The following WWP2 variants were observed in gnomAD, a reference collection of about 807,000 sequenced individuals.
WWP2 encodes the protein NEDD4-like E3 ubiquitin-protein ligase WWP2.
In WWP2, 57 loss-of-function variants were observed where a neutral mutation model predicts 121.0. That is an observed-to-expected ratio of 0.47 (90% CI 0.38 to 0.59). The LOEUF (loss-of-function observed/expected upper bound fraction) is 0.59. Among genes scored for constraint, WWP2 ranks in the 20% least tolerant of loss-of-function variants. The pLI is 0.00. For missense variants in WWP2, 962 were observed against 1,158.9 expected, an observed-to-expected ratio of 0.83 and a Z score of 2.47; for synonymous variants, 449 against 441.3, an observed-to-expected ratio of 1.02 and a Z score of -0.22.
At chr16:69,893,638 T>C (rs895827686) in intron 8 of WWP2, among the ~76,000 whole-genome samples, 2 of 152,184 alleles carry the variant, frequency 1.3e-5, no homozygotes, top group African/African-American at 4.8e-5. Flanking sequence ...GTCTCCCAGG[T>C]TCAAACAATT....
chr16:69,802,341 ACCATCTATCC>A (rs1190957014), intron 4 of WWP2, among the ~76,000 whole-genome samples: 1 of 152,180 alleles, frequency 6.6e-6, no homozygotes, highest in East Asian at 1.9e-4. Flanking sequence ...AACCATCACC[ACCATCTATCC>A]CCAGAACTCT....
intron 8 of WWP2, among the ~76,000 whole-genome samples, chr16:69,893,368 C>CT (rs1014073441): frequency 2.0e-5 from 3 of 151,698 alleles, no homozygotes; most frequent in South Asian, 2.1e-4. Context: ...TAAATGCCAT[C>CT]TTTTTTTTTC....
chr16:69,829,779 T>C (rs1291411722), intron 4 of WWP2, among the ~76,000 whole-genome samples: 5 of 152,108 alleles, frequency 3.3e-5, no homozygotes, highest in African/African-American at 1.2e-4. Flanking sequence ...AATTGTAACG[T>C]TCCTAAAAGC....
At position 69,864,724 on chromosome 16, in the gene WWP2, A is replaced by ATT. The variant is rs1255768791; in HGVS notation, c.576-7066_576-7065dup. 8.3e-3 allele frequency among the ~76,000 whole-genome samples: 1,141 copies of ATT among 137,770 alleles called. 15 individuals carry two copies. The highest frequency in any genetic ancestry group is 0.028 in the African/African-American group (1,033 of 37,458). 90.4% of individuals were successfully genotyped at this position (137,770 alleles called of 152,430 possible). A position where few individuals can be genotyped will look rare whatever the true frequency, so the allele number is the denominator to read the frequency against. ...GCCACTATGCCTGACGAATTTTTGC[A>ATT]TTTTTTTTTTTTTTTGAGACAGAGT... is the stretch of plus-strand genomic sequence containing the variant. On this transcript the variant is annotated intron_variant, in intron 6 of 23. Coordinates refer to ENST00000359154, the MANE Select transcript of WWP2 (RefSeq NM_001270454.2).
intron 6 of WWP2, among the ~76,000 whole-genome samples, chr16:69,866,274 ATT>A (rs2057521475): frequency 1.8e-4 from 1 of 5,550 alleles, no homozygotes; most frequent in Non-Finnish European, 2.6e-4. Flanking sequence ...TTCACATTTT[ATT>A]TATTTATTTA....
At chr16:69,909,516 T>C in intron 9 of WWP2, 2 of 985,468 alleles carry the variant, frequency 2.0e-6, no homozygotes, top group Non-Finnish European at 2.4e-6. Flanking sequence ...CCTCATCTTC[T>C]GGTCCCATAA....
intron 4 of WWP2, among the ~76,000 whole-genome samples, chr16:69,820,042 G>A (rs1395172868): frequency 6.6e-6 from 1 of 152,126 alleles, no homozygotes; most frequent in Non-Finnish European, 1.5e-5. Flanking sequence ...TTCGAGACTA[G>A]CCTGGGCAAC....
intron 4 of WWP2, chr16:69,827,821 G>T (rs2056729995): frequency 2.2e-6 from 1 of 449,982 alleles, no homozygotes; most frequent in Non-Finnish European, 4.5e-6. Context: ...TAATGACAAG[G>T]CAGCAGTAAT....
intron 6 of WWP2, among the ~76,000 whole-genome samples, chr16:69,847,947 T>C (rs149664432): frequency 6.6e-6 from 1 of 152,174 alleles, no homozygotes; most frequent in East Asian, 1.9e-4. Context: ...CAGGACTGTC[T>C]GTGAGTGGAG....
chr16:69,823,598 G>T (rs140681818), intron 4 of WWP2, among the ~76,000 whole-genome samples: 9,116 of 151,834 alleles, frequency 0.06, 310 homozygotes, highest in Middle Eastern at 0.11. Flanking sequence ...CTCCCAAGTA[G>T]CTGGGATTAC....
At chr16:69,863,512 G>A (rs914767528) in intron 6 of WWP2, among the ~76,000 whole-genome samples, 6 of 152,066 alleles carry the variant, frequency 3.9e-5, no homozygotes, top group Admixed American at 3.3e-4. Context: ...GGTGGCAGGC[G>A]CCTGTAATCC....
chr16:69,901,704 A>G lies in WWP2; in HGVS notation c.915-7057A>G, dbSNP rs1342627578. The stretch of plus-strand genomic sequence containing the variant: ...GCTTGTGTCAGTGAAAAGTAAGCAA[A>G]TTAATGAATAATACAAGCTGATAAT... On this transcript the variant is annotated intron_variant, in intron 8 of 23. Transcript: ENST00000359154. Among the ~76,000 whole-genome samples, 4 of 152,324 alleles carry G rather than the reference A, an allele frequency of 2.6e-5. No individual in the cohort carries two copies. In the East Asian group the frequency reaches 7.7e-4, roughly 29 times the overall value.
At chr16:69,888,415 A>C (rs1420626951) in intron 8 of WWP2, among the ~76,000 whole-genome samples, 166 bp downstream of exon 8, 1 of 152,172 alleles carries the variant, frequency 6.6e-6, no homozygotes, top group Non-Finnish European at 1.5e-5. Flanking sequence ...TGTTCTACAT[A>C]AATCTTAAAA....
chr16:69,803,376 CATT>C (rs1567674861), intron 4 of WWP2, among the ~76,000 whole-genome samples: 1 of 135,340 alleles, frequency 7.4e-6, no homozygotes, highest in Non-Finnish European at 1.5e-5. Flanking sequence ...ATAAAAAAAA[CATT>C]ATCTTACACA....
intron 2 of WWP2, among the ~76,000 whole-genome samples, chr16:69,797,306 C>T (rs75918479): frequency 1.6e-4 from 24 of 152,200 alleles, no homozygotes; most frequent in African/African-American, 2.6e-4. Context: ...TGCTGGTAAT[C>T]GAAGAACAGC....
intron 6 of WWP2, among the ~76,000 whole-genome samples, chr16:69,861,489 G>A (rs983801150): frequency 5.9e-5 from 9 of 152,088 alleles, no homozygotes; most frequent in Admixed American, 5.2e-4. Context: ...ACTTGGCAGC[G>A]ATTTTATTTT....
chr16:69,897,432 T>C (rs74865002), intron 8 of WWP2, among the ~76,000 whole-genome samples: 5,641 of 152,126 alleles, frequency 0.037, 293 homozygotes, highest in African/African-American at 0.12. Flanking sequence ...AACCACCTCT[T>C]TTTAACCCCT....
chr16:69,931,942 C>T (rs2058722239), intron 16 of WWP2, 52 bp downstream of exon 16: 10 of 1,536,304 alleles, frequency 6.5e-6, no homozygotes, highest in Non-Finnish European at 8.9e-6. Context: ...CCCCAGGCTA[C>T]AGCATCAATG....
chr16:69,932,420 C>G (rs544786466), intron 16 of WWP2, among the ~76,000 whole-genome samples: 9 of 152,366 alleles, frequency 5.9e-5, no homozygotes, highest in Middle Eastern at 3.4e-3. Context: ...CCCCACTGGG[C>G]TGGACATTAA....
Sources: gnomAD v4.1 joint callset for allele counts (sites outside exome capture counted in the v4.1 genomes callset) on GRCh38, gnomAD v4.1.1 for gene constraint, MANE v1.5 for transcripts, NCBI Gene and HGNC (gene_info 2026-07-23, HGNC 2026-07-21) for gene names.